Variants in CRPPA observed in about 807,000 individuals in gnomAD.
The protein encoded by CRPPA is CDP-L-ribitol pyrophosphorylase A.
A neutral mutation model predicts 52.0 loss-of-function variants in CRPPA; 43 were observed. The ratio of observed to expected loss-of-function variants is 0.83; its 90% confidence interval spans 0.65 to 1.07. The LOEUF is 1.07. CRPPA is among the 50% of genes least tolerant of loss of function. The pLI is 0.00. For synonymous variants in CRPPA, 250 were observed against 203.5 expected (o/e 1.23, Z -1.94); for missense variants, 629 against 551.7 (o/e 1.14, Z -1.40).
At chr7:16,187,684 A>G (rs1359608778) in intron 9 of CRPPA, among the ~76,000 whole-genome samples, 1 of 152,186 alleles carries the variant, frequency 6.6e-6, no homozygotes, top group Non-Finnish European at 1.5e-5. Context: ...GTGAAGAAAA[A>G]TGACTGTGAC....
chr7:16,306,643 C>A (rs916784197), intron 4 of CRPPA, among the ~76,000 whole-genome samples: 3 of 152,122 alleles, frequency 2.0e-5, no homozygotes, highest in Non-Finnish European at 4.4e-5. Flanking sequence ...AGCAATAAAA[C>A]GCCTTAGAGT....
Position 16,301,406 on chromosome 7 carries a change from T to C in CRPPA, c.835+15A>G. The C allele has an allele frequency of 6.2e-7, 1 of 1,608,726 alleles. No individual in the cohort carries two copies. Among genetic ancestry groups the C allele is most frequent in the South Asian group, 1.1e-5 (1 of 90,374 alleles). On this transcript the variant is annotated intron_variant, in intron 5 of 9. Transcript: ENST00000407010. ...TTTGAAACACAGGAACTGACAGTCA[T>C]AAGGCCAAACATACCCTTAATAATC...
chr7:16,184,554 T>C (rs1781469856), intron 9 of CRPPA, among the ~76,000 whole-genome samples: 1 of 152,180 alleles, frequency 6.6e-6, no homozygotes, highest in Non-Finnish European at 1.5e-5. Context: ...ACTCAGAAGA[T>C]ACTGTTTGAG....
chr7:16,256,637 A>G (rs982401981), intron 8 of CRPPA, among the ~76,000 whole-genome samples: 5 of 152,124 alleles, frequency 3.3e-5, no homozygotes, highest in Non-Finnish European at 5.9e-5. Context: ...ACTAGAAACC[A>G]TCATTCTCAG....
chr7:16,365,003 T>C (rs1263700224), intron 3 of CRPPA, among the ~76,000 whole-genome samples: 2 of 152,216 alleles, frequency 1.3e-5, no homozygotes, highest in Non-Finnish European at 2.9e-5. Context: ...AGTGTATCAG[T>C]CACATCTTGT....
At chr7:16,194,847 G>GT (rs1781695364) in intron 9 of CRPPA, among the ~76,000 whole-genome samples, 1 of 86,666 alleles carries the variant, frequency 1.2e-5, no homozygotes, top group Non-Finnish European at 2.8e-5. Flanking sequence ...TTGGTCTTTT[G>GT]GTTTTTTTTT....
At chr7:16,275,381 T>C (rs1784179350) in intron 6 of CRPPA, among the ~76,000 whole-genome samples, 3 of 152,038 alleles carry the variant, frequency 2.0e-5, no homozygotes, top group African/African-American at 7.2e-5. Context: ...AGAAGCACCG[T>C]AGTATGTTAA....
At chr7:16,162,458 T>C (rs1174022476) in intron 9 of CRPPA, among the ~76,000 whole-genome samples, 1 of 152,158 alleles carries the variant, frequency 6.6e-6, no homozygotes, top group African/African-American at 2.4e-5. Flanking sequence ...CAGGAGCAGG[T>C]TGTTCAGTTT....
intron 3 of CRPPA, among the ~76,000 whole-genome samples, chr7:16,361,057 T>C (rs1375695280): frequency 6.6e-6 from 1 of 152,156 alleles, no homozygotes; most frequent in Non-Finnish European, 1.5e-5. Flanking sequence ...AGGAATTGAA[T>C]AGTCATTTCT....
intron 6 of CRPPA, among the ~76,000 whole-genome samples, chr7:16,272,523 C>T (rs538476291): frequency 6.8e-4 from 104 of 152,272 alleles, no homozygotes; most frequent in Non-Finnish European, 9.4e-4. Flanking sequence ...TGACTTCATC[C>T]TTTTTACACA....
At chr7:16,333,010 G>C (rs1785590771) in intron 3 of CRPPA, among the ~76,000 whole-genome samples, 1 of 152,094 alleles carries the variant, frequency 6.6e-6, no homozygotes, top group Admixed American at 6.6e-5. Flanking sequence ...TCAGCACAAT[G>C]AGAATTATCA....
intron 3 of CRPPA, among the ~76,000 whole-genome samples, chr7:16,328,501 T>G (rs1231670934): frequency 6.6e-6 from 1 of 151,754 alleles, no homozygotes; most frequent in Non-Finnish European, 1.5e-5. Context: ...ATCTCCAGGG[T>G]TTTTGGGGGG....
At chr7:16,295,473 T>C (rs1268401545) in intron 5 of CRPPA, among the ~76,000 whole-genome samples, 1 of 152,130 alleles carries the variant, frequency 6.6e-6, no homozygotes, top group Non-Finnish European at 1.5e-5. Flanking sequence ...GAGGCAGTTT[T>C]GTAGCACAAG....
intron 2 of CRPPA, among the ~76,000 whole-genome samples, chr7:16,401,866 A>AT (rs1787824238): frequency 6.6e-6 from 1 of 151,318 alleles, no homozygotes. Context: ...TTTCATTAAA[A>AT]AAATATATAT....
intron 2 of CRPPA, among the ~76,000 whole-genome samples, chr7:16,384,514 A>C (rs1056087406): frequency 1.5e-4 from 23 of 152,250 alleles, no homozygotes; most frequent in Admixed American, 1.5e-3. Context: ...CATTATCAAA[A>C]ATAAAGGTGA....
intron 8 of CRPPA, among the ~76,000 whole-genome samples, chr7:16,232,698 C>G (rs191649179): frequency 6.6e-6 from 1 of 151,834 alleles, no homozygotes; most frequent in Non-Finnish European, 1.5e-5. Context: ...GCTGAAAGAT[C>G]AAAAAAACAA....
intron 8 of CRPPA, among the ~76,000 whole-genome samples, chr7:16,234,711 T>C (rs1384168987): frequency 6.6e-6 from 1 of 152,086 alleles, no homozygotes; most frequent in African/African-American, 2.4e-5. Flanking sequence ...GGAGACAACA[T>C]AACTTGGAAC....
chr7:16,163,888 G>C (rs1056477867), intron 9 of CRPPA, among the ~76,000 whole-genome samples: 1 of 152,234 alleles, frequency 6.6e-6, no homozygotes, highest in Non-Finnish European at 1.5e-5. Flanking sequence ...GAGATCTGCT[G>C]TTAGTCTGAT....
intron 5 of CRPPA, among the ~76,000 whole-genome samples, chr7:16,292,217 C>G (rs1224121633): frequency 6.6e-6 from 1 of 151,882 alleles, no homozygotes; most frequent in Non-Finnish European, 1.5e-5. Flanking sequence ...AAAGTTTTGG[C>G]TGCTTCACTG....
Sources: gnomAD v4.1 joint callset for allele counts (sites outside exome capture counted in the v4.1 genomes callset) on GRCh38, gnomAD v4.1.1 for gene constraint, MANE v1.5 for transcripts, NCBI Gene and HGNC (gene_info 2026-07-23, HGNC 2026-07-21) for gene names.